Variants in TAF12 observed in about 807,000 individuals in gnomAD.
The protein encoded by TAF12 is transcription initiation factor TFIID subunit 12.
Under a neutral mutation model 20.8 loss-of-function variants are expected in TAF12, and 3 were observed. The ratio of observed to expected loss-of-function variants is 0.14; its 90% CI spans 0.07 to 0.37. The LOEUF is 0.37. TAF12 is among the 10% of genes least tolerant of loss of function. The pLI is 1.00. For synonymous variants in TAF12, 69 were observed against 70.2 expected (o/e 0.98, Z 0.09); for missense variants, 131 against 197.9 (o/e 0.66, Z 2.03).
chr1:28,638,573 C>T (rs1451408695), intron 1 of TAF12, among the ~76,000 whole-genome samples: 1 of 151,270 alleles, frequency 6.6e-6, no homozygotes, highest in Non-Finnish European at 1.5e-5. Flanking sequence ...GCAGCCTCTG[C>T]CTCCCGGGTT....
chr1:28,638,787 A>G (rs79959777), intron 1 of TAF12, among the ~76,000 whole-genome samples: 1 of 101,846 alleles, frequency 9.8e-6, no homozygotes, highest in African/African-American at 4.0e-5. Context: ...CACCTGGCCT[A>G]TTTTTTTTTT....
chr1:28,630,247 ATC>A (rs1667571326), intron 1 of TAF12, among the ~76,000 whole-genome samples: 1 of 152,086 alleles, frequency 6.6e-6, no homozygotes. Context: ...TGCCCAGCCT[ATC>A]TCACATTTAT....
intron 1 of TAF12, among the ~76,000 whole-genome samples, chr1:28,625,833 G>T (rs879607040): frequency 2.0e-5 from 3 of 150,646 alleles, no homozygotes; most frequent in Non-Finnish European, 2.9e-5. Context: ...GAGCCACCGC[G>T]CCTGGCCCCA....
chr1:28,618,024 T>A lies in TAF12; in HGVS notation c.175A>T (p.Thr59Ser), dbSNP rs779903068. The change falls in exon 3 of 6, where the codon ACC (threonine) becomes TCC (serine). Residue 59 changes from threonine (T) to serine (S), a missense_variant. Thr to Ser is a moderately conservative substitution (Grantham distance 58). This residue lies in a region of TAF12 where 63 missense variants were observed against 72.1 expected (regional missense o/e 0.87). Coordinates refer to ENST00000373824, the MANE Select transcript of TAF12 (RefSeq NM_005644.4). ...RLSPENNQVL[T>S]KKKLQDLVRE... ...ACTAAGTCCTGTAATTTCTTCTTGG[T>A]CAATACCTAAAGTTAATTGGAAGAA... 8.1e-6 allele frequency: 13 copies of A among 1,613,390 alleles called. No homozygotes were observed. The highest frequency in any genetic ancestry group is 2.7e-5 in the African/African-American group (2 of 74,916).
chr1:28,628,133 A>G (rs1179514987), intron 1 of TAF12, among the ~76,000 whole-genome samples: 1 of 150,940 alleles, frequency 6.6e-6, no homozygotes, highest in African/African-American at 2.4e-5. Context: ...ATCCGACAGA[A>G]AGGAAAACCT....
intron 4 of TAF12, among the ~76,000 whole-genome samples, chr1:28,607,805 A>C (rs1402679686): frequency 2.0e-5 from 3 of 152,032 alleles, no homozygotes; most frequent in Non-Finnish European, 4.4e-5. Flanking sequence ...ACACCACTGC[A>C]CTGCAGCCTG....
intron 1 of TAF12, among the ~76,000 whole-genome samples, chr1:28,626,354 T>C (rs900747015): frequency 6.6e-6 from 1 of 151,480 alleles, no homozygotes; most frequent in Non-Finnish European, 1.5e-5. Context: ...CCACGGCAGG[T>C]GGATCACCTG....
At chr1:28,606,449 A>T (rs1288308224) in intron 4 of TAF12, among the ~76,000 whole-genome samples, 1 of 151,080 alleles carries the variant, frequency 6.6e-6, no homozygotes, top group East Asian at 2.0e-4. Flanking sequence ...GTATATTTCT[A>T]TTTTTTGTAG....
upstream of TAF12, among the ~76,000 whole-genome samples, chr1:28,646,848 G>A (rs1398853044): frequency 4.6e-5 from 7 of 152,168 alleles, no homozygotes; most frequent in East Asian, 9.6e-4. Flanking sequence ...ACAGGCACCC[G>A]CCACCACACC....
chr1:28,644,077 TA>T (rs1312025289), upstream of TAF12, among the ~76,000 whole-genome samples: 6 of 151,594 alleles, frequency 4.0e-5, 1 homozygote, highest in African/African-American at 1.5e-4. Flanking sequence ...GAACAGCTGT[TA>T]TTTTTTACTG....
chr1:28,635,715 T>C (rs1254072800), intron 1 of TAF12, among the ~76,000 whole-genome samples: 1 of 152,000 alleles, frequency 6.6e-6, no homozygotes, highest in Non-Finnish European at 1.5e-5. Flanking sequence ...ACCCTATTAT[T>C]GTATTGAGAG....
At chr1:28,633,723 C>T (rs1433889586) in intron 1 of TAF12, among the ~76,000 whole-genome samples, 2 of 151,692 alleles carry the variant, frequency 1.3e-5, no homozygotes, top group Non-Finnish European at 2.9e-5. Flanking sequence ...ACCAGCCTGA[C>T]CAACATGGTG....
intron 2 of TAF12, among the ~76,000 whole-genome samples, chr1:28,620,895 G>A (rs1297359398): frequency 6.6e-6 from 1 of 152,004 alleles, no homozygotes; most frequent in Non-Finnish European, 1.5e-5. Context: ...CCTAATTCGA[G>A]CCTTCACTAC....
At chr1:28,644,050 CAA>C (rs754009751), upstream of TAF12, among the ~76,000 whole-genome samples, 836 of 94,668 alleles carry the variant, frequency 8.8e-3, 7 homozygotes, top group African/African-American at 0.03. Context: ...GACTCTGTCT[CAA>C]AAAAAAAAAA....
At position 28,603,308 on chromosome 1, in the gene TAF12, G is replaced by T; in HGVS notation, c.*231C>A. ...ACCACAAATAAAATCTTCTCTGGAA[G>T]ATACATTGCTCCTCTTTGAGATGGC... On this transcript the variant is annotated 3_prime_UTR_variant, in exon 6 of 6. Transcript: ENST00000373824. 1 of 542,748 alleles carries T rather than the reference G, an allele frequency of 1.8e-6. No homozygotes were observed. The highest frequency in any genetic ancestry group is 3.3e-6 in the Non-Finnish European group (1 of 305,050). 33.6% of individuals were successfully genotyped at this position (542,748 alleles called of 1,614,324 possible).
chr1:28,610,913 T>C (rs1372136734), intron 4 of TAF12, among the ~76,000 whole-genome samples: 3 of 147,400 alleles, frequency 2.0e-5, no homozygotes, highest in Non-Finnish European at 4.4e-5. Flanking sequence ...TGAGCCAAGA[T>C]TGCGCCACTG....
At chr1:28,617,015 G>A (rs35526888) in intron 3 of TAF12, among the ~76,000 whole-genome samples, 2 of 152,118 alleles carry the variant, frequency 1.3e-5, no homozygotes, top group South Asian at 2.1e-4. Context: ...AGCTACTCAG[G>A]AGGCTGAGGC....
At chr1:28,618,936 T>C (rs1667123808) in intron 2 of TAF12, among the ~76,000 whole-genome samples, 1 of 152,042 alleles carries the variant, frequency 6.6e-6, no homozygotes, top group Admixed American at 6.6e-5. Flanking sequence ...TAGTCCCAGC[T>C]ACTCAGCAGG....
intron 1 of TAF12, among the ~76,000 whole-genome samples, chr1:28,641,396 T>A (rs1570345317): frequency 6.6e-6 from 1 of 151,882 alleles, no homozygotes; most frequent in Non-Finnish European, 1.5e-5. Flanking sequence ...GGCAGGAGAA[T>A]CGTTTGAACT....
Sources: allele counts gnomAD v4.1 joint callset (sites outside exome capture counted in the v4.1 genomes callset), GRCh38; gene constraint gnomAD v4.1.1; regional missense constraint gnomAD v4.1.1; transcripts MANE v1.5; gene names NCBI Gene and HGNC (gene_info 2026-07-23, HGNC 2026-07-21).